PHYHIP: variants seen among roughly 807,000 people sequenced by gnomAD.
The protein encoded by PHYHIP is phytanoyl-CoA 2-hydroxylase interacting protein, also known as phytanoyl-CoA hydroxylase-interacting protein.
A neutral mutation model predicts 26.1 loss-of-function variants in PHYHIP; 7 were observed. That is an observed-to-expected ratio of 0.27 (90% CI 0.15 to 0.50). The LOEUF (loss-of-function observed/expected upper bound fraction) is 0.50, where lower values mean the gene tolerates loss of function less well. Among genes scored for constraint, PHYHIP ranks in the 20% least tolerant of loss-of-function variants. The pLI, the probability that PHYHIP is intolerant of heterozygous loss-of-function variation, is 0.98. For missense variants in PHYHIP, 232 were observed against 454.7 expected, an observed-to-expected ratio of 0.51 and a Z score of 4.45; for synonymous variants, 206 against 183.4, an observed-to-expected ratio of 1.12 and a Z score of -1.00.
intron 4 of PHYHIP, among the ~76,000 whole-genome samples, chr8:22,223,156 A>G (rs1377976982): frequency 6.6e-6 from 1 of 151,972 alleles, no homozygotes; most frequent in African/African-American, 2.4e-5. Flanking sequence ...TGAGGTCAGG[A>G]GTTTGAGACC....
At position 22,231,008 on chromosome 8, in the gene PHYHIP, G is replaced by A. The variant is rs1245704651; in HGVS notation, c.-30+788C>T. On this transcript the variant is annotated intron_variant, in intron 1 of 4. Coordinates refer to ENST00000454243, the MANE Select transcript of PHYHIP (RefSeq NM_014759.5). ...ATACACACAGCAGCCCCCGCCCGAA[G>A]TCTGGTATTCTCTCTCGAATCATCT... Among the ~76,000 whole-genome samples the A allele has an allele frequency of 2.0e-5, 3 of 152,198 alleles. No homozygotes were observed. In the East Asian group the frequency reaches 5.8e-4, roughly 29 times the overall value.
chr8:22,223,831 TC>T, intron 4 of PHYHIP: 1 of 165,614 alleles, frequency 6.0e-6, no homozygotes, highest in Non-Finnish European at 1.3e-5. Context: ...GCTGGGTGCT[TC>T]CTCGAACCCT....
chr8:22,226,542 C>A lies in PHYHIP; in HGVS notation c.340+309G>T, dbSNP rs191734527. ...AAATTTTACGTCATGCACCTTTGAC[C>A]ACAAGGTTTAAAAAGATGCCTGTGA... On this transcript the variant is annotated intron_variant, in intron 3 of 4. Transcript: ENST00000454243. 2.0e-5 allele frequency among the ~76,000 whole-genome samples: 3 copies of A among 152,274 alleles called. No homozygotes were observed. In the East Asian group the frequency reaches 5.8e-4, roughly 29 times the overall value.
chr8:22,229,601 A>C (rs4872429), intron 1 of PHYHIP, among the ~76,000 whole-genome samples: 132,929 of 152,126 alleles, frequency 0.87, 58,134 homozygotes, highest in South Asian at 0.96. Flanking sequence ...GGGAGGGGAC[A>C]GCAGACGTGG....
At chr8:22,222,283 T>A (rs968127771) in intron 4 of PHYHIP, among the ~76,000 whole-genome samples, 2 of 152,014 alleles carry the variant, frequency 1.3e-5, no homozygotes, top group Admixed American at 1.3e-4. Flanking sequence ...TATGCAGGAC[T>A]CTTCCCTCTG....
At chr8:22,226,313 T>G (rs894356628) in intron 3 of PHYHIP, among the ~76,000 whole-genome samples, 2 of 152,120 alleles carry the variant, frequency 1.3e-5, no homozygotes, top group Non-Finnish European at 2.9e-5. Context: ...TCCTATACAA[T>G]TGTACTGATA....
At chr8:22,231,295 G>A (rs1166085243) in intron 1 of PHYHIP, among the ~76,000 whole-genome samples, 1 of 152,034 alleles carries the variant, frequency 6.6e-6, no homozygotes, top group Non-Finnish European at 1.5e-5. Context: ...CCCCACCCAC[G>A]CACACCCACA....
intron 1 of PHYHIP, among the ~76,000 whole-genome samples, chr8:22,230,844 C>T (rs145861110): frequency 6.6e-6 from 1 of 152,276 alleles, no homozygotes; most frequent in East Asian, 1.9e-4. Context: ...CACAGGCTCA[C>T]GCACACACAC....
chr8:22,225,884 G>A (rs1368519949), intron 3 of PHYHIP, among the ~76,000 whole-genome samples: 2 of 152,126 alleles, frequency 1.3e-5, no homozygotes, highest in Non-Finnish European at 2.9e-5. Context: ...AAGGAGACTT[G>A]GGGCATAAAT....
chr8:22,221,335 C>G lies in PHYHIP; in HGVS notation c.*18G>C, dbSNP rs752632439. 6.5e-7 allele frequency: 1 copy of G among 1,538,746 alleles called. No homozygotes were observed. The highest frequency in any genetic ancestry group is 8.8e-7 in the Non-Finnish European group (1 of 1,141,056). ...CTTCCGCTCATCTCTCCCTCGCCCC[C>G]CAGCTCCCCAGGAGTCCCTAGCGGC... On this transcript the variant is annotated 3_prime_UTR_variant, in exon 5 of 5. Transcript: ENST00000454243. This position sits in a 1 kb window ranked among gnomAD's most constrained non-coding sequence, Gnocchi z 7.9.
At chr8:22,231,661 G>GA (rs1829869465) in intron 1 of PHYHIP, 135 bp downstream of exon 1, 1 of 152,330 alleles carries the variant, frequency 6.6e-6, no homozygotes, top group African/African-American at 2.4e-5. Flanking sequence ...CCTGGCCGGG[G>GA]GGGGGGAGAG....
intron 2 of PHYHIP, 92 bp downstream of exon 2, chr8:22,228,101 T>C (rs1829787872): frequency 1.9e-6 from 2 of 1,069,356 alleles, no homozygotes; most frequent in East Asian, 2.4e-5. Flanking sequence ...AACCAGCCTC[T>C]GACTCCAAGC....
intron 3 of PHYHIP, among the ~76,000 whole-genome samples, chr8:22,225,640 CAA>C (rs57092360): frequency 1.6e-5 from 2 of 127,964 alleles, no homozygotes; most frequent in South Asian, 2.5e-4. Flanking sequence ...ACTAAAAATA[CAA>C]AAAAAAAAAA....
chr8:22,223,501 T>C (rs1829676232), intron 4 of PHYHIP, among the ~76,000 whole-genome samples: 2 of 152,122 alleles, frequency 1.3e-5, no homozygotes, highest in South Asian at 4.2e-4. Flanking sequence ...GTCCTGGCTG[T>C]CCTCAGTAAC....
At chr8:22,228,463 T>C in intron 1 of PHYHIP, 77 bp from the exon 2 acceptor site, 4 of 790,990 alleles carry the variant, frequency 5.1e-6, no homozygotes, top group Non-Finnish European at 8.2e-6. Context: ...CAATATCCCT[T>C]TCGAGGCGGA....
chr8:22,227,714 C>G (rs751258819), intron 2 of PHYHIP: 3 of 456,816 alleles, frequency 6.6e-6, no homozygotes, highest in Non-Finnish European at 8.8e-6. Flanking sequence ...GTGAGGGGCC[C>G]GAGAGGGAGA....
At chr8:22,226,830 G>T (rs763798850) in intron 3 of PHYHIP, 21 bp downstream of exon 3, 19 of 1,600,862 alleles carry the variant, frequency 1.2e-5, no homozygotes, top group Non-Finnish European at 8.5e-7. Context: ...GCAGGACAGG[G>T]GTGTGATAGC....
At chr8:22,224,424 C>CTG (rs1427355225) in intron 3 of PHYHIP, 81 bp from the exon 4 acceptor site, 1 of 799,188 alleles carries the variant, frequency 1.3e-6, no homozygotes, top group East Asian at 2.5e-5. Flanking sequence ...CCACCCCACA[C>CTG]TGTGTGTGCC....
At chr8:22,227,157 T>G (rs1009092462) in intron 2 of PHYHIP, 132 bp from the exon 3 acceptor site, 1 of 782,362 alleles carries the variant, frequency 1.3e-6, no homozygotes, top group African/African-American at 1.7e-5. Context: ...GAGGATCCAA[T>G]GGCTCCATAC....
Sources: allele counts gnomAD v4.1 joint callset (sites outside exome capture counted in the v4.1 genomes callset), GRCh38; gene constraint gnomAD v4.1.1; non-coding constraint Gnocchi (gnomAD v3.1); transcripts MANE v1.5; gene names NCBI Gene and HGNC (gene_info 2026-07-23, HGNC 2026-07-21).